Variants in SLAMF1 observed in about 807,000 individuals in gnomAD.
SLAMF1 encodes the protein signaling lymphocytic activation molecule family member 1.
In SLAMF1, 18 loss-of-function variants were observed where a neutral mutation model predicts 35.1. The ratio of observed to expected loss-of-function variants is 0.51; its 90% CI spans 0.35 to 0.76. The LOEUF (loss-of-function observed/expected upper bound fraction) is 0.76. SLAMF1 is among the 30% of genes least tolerant of loss of function. SLAMF1 has a pLI of 0.01. For synonymous variants in SLAMF1, 168 were observed against 157.2 expected (o/e 1.07, Z -0.51); for missense variants, 392 against 413.0 (o/e 0.95, Z 0.44).
intron 2 of SLAMF1, among the ~76,000 whole-genome samples, chr1:160,635,352 C>T (rs546286498): frequency 1.3e-4 from 20 of 151,974 alleles, no homozygotes; most frequent in African/African-American, 1.9e-4. Flanking sequence ...TGTGCGTGCG[C>T]GCGCGCGCAT....
chr1:160,627,899 T>C (rs748562549), intron 3 of SLAMF1, among the ~76,000 whole-genome samples: 2 of 152,184 alleles, frequency 1.3e-5, no homozygotes, highest in Non-Finnish European at 2.9e-5. Context: ...CAGGTGGAGA[T>C]AATTGAATCA....
In SLAMF1 at chr1:160,635,696, C is replaced by T. The variant is rs1219497812; in HGVS notation, c.416-799G>A. Among the ~76,000 whole-genome samples, 4 of 151,428 alleles carry T rather than the reference C, an allele frequency of 2.6e-5. No homozygotes were observed. The East Asian group carries it at 7.7e-4, about 29-fold the overall frequency. On this transcript the variant is annotated intron_variant, in intron 2 of 6. Coordinates refer to ENST00000302035, the MANE Select transcript of SLAMF1 (RefSeq NM_003037.5). The stretch of plus-strand genomic sequence containing the variant: ...ACGCCATTCTCCTGCCTCAGCCTCC[C>T]GAGTAGCTGGGACTACAGGTGCCCA...
intron 1 of SLAMF1, among the ~76,000 whole-genome samples, chr1:160,639,316 C>T (rs1660620770): frequency 6.6e-6 from 1 of 152,060 alleles, no homozygotes; most frequent in African/African-American, 2.4e-5. Context: ...ACCTCTGCCT[C>T]CCGGGCTCAA....
Position 160,610,891 on chromosome 1 carries a change from G to A in SLAMF1, c.958-93C>T, listed in dbSNP as rs868056928. On this transcript the variant is annotated intron_variant, in intron 6 of 6. Transcript: ENST00000302035. The stretch of plus-strand genomic sequence containing the variant: ...CAGCACTGCTGAGGAAAAGGAAAGG[G>A]TCTTAGAGATCATGGCTTGTGCAGG... 9 of 993,412 alleles carry A rather than the reference G, an allele frequency of 9.1e-6. No individual in the cohort carries two copies. The Middle Eastern group carries it at 1.2e-3, about 138-fold the overall frequency. The allele number at this position is 993,412 out of a possible 1,614,324, so 61.5% of individuals were successfully genotyped here.
At chr1:160,629,101 A>C (rs1660030563) in intron 3 of SLAMF1, among the ~76,000 whole-genome samples, 1 of 152,180 alleles carries the variant, frequency 6.6e-6, no homozygotes, top group African/African-American at 2.4e-5. Context: ...CGAGGCTCTT[A>C]GAGGCGGCCG....
chr1:160,646,083 A>C (rs1261302673), intron 1 of SLAMF1, among the ~76,000 whole-genome samples: 1 of 152,174 alleles, frequency 6.6e-6, no homozygotes, highest in Non-Finnish European at 1.5e-5. Context: ...CTTTTCTCAT[A>C]GCCCTGATAC....
At position 160,619,856 on chromosome 1, in the gene SLAMF1, A is replaced by G; in HGVS notation, c.791-7T>C. 6.3e-7 allele frequency: 1 copy of G among 1,597,654 alleles called. No individual in the cohort carries two copies. The highest frequency in any genetic ancestry group is 2.2e-5 in the East Asian group (1 of 44,798). On this transcript the variant is annotated splice_region_variant and splice_polypyrimidine_tract_variant and intron_variant, in intron 4 of 6. Transcript: ENST00000302035. Reference sequence around the variant, plus strand: ...TGGTAATGGTTCGTTTTACCTGGTGAAAAGAAACCATAATGGTTATCTCCC... The same window carrying G: ...TGGTAATGGTTCGTTTTACCTGGTGGAAAGAAACCATAATGGTTATCTCCC...
At chr1:160,629,501 A>G (rs565259771) in intron 3 of SLAMF1, among the ~76,000 whole-genome samples, 1 of 152,142 alleles carries the variant, frequency 6.6e-6, no homozygotes, top group Non-Finnish European at 1.5e-5. Flanking sequence ...AAAGGCTGCC[A>G]TCTTCAAGAG....
Position 160,637,174 on chromosome 1 carries a change from GA to G in SLAMF1, c.415+16del, listed in dbSNP as rs1474471830. Reference sequence around the variant, plus strand: ...CCTTGGCCCTTTAGTGTGGACTGGGGAAGCCGCCATTATTACCATAAAGCCT... The same window carrying G: ...CCTTGGCCCTTTAGTGTGGACTGGGGAGCCGCCATTATTACCATAAAGCCT... On this transcript the variant is annotated intron_variant, in intron 2 of 6. Transcript: ENST00000302035. The G allele has an allele frequency of 1.3e-6, 2 of 1,596,034 alleles. No homozygotes were observed. Among genetic ancestry groups the G allele is most frequent in the Non-Finnish European group, 1.7e-6 (2 of 1,163,682 alleles).
At chr1:160,622,193 A>C (rs921461605) in intron 4 of SLAMF1, among the ~76,000 whole-genome samples, 1 of 152,172 alleles carries the variant, frequency 6.6e-6, no homozygotes. Context: ...TATTTTCCCC[A>C]GTGCAAGAAC....
At chr1:160,639,217 C>A (rs996376139) in intron 1 of SLAMF1, among the ~76,000 whole-genome samples, 1 of 152,106 alleles carries the variant, frequency 6.6e-6, no homozygotes, top group Non-Finnish European at 1.5e-5. Flanking sequence ...TTCTCGCATA[C>A]TCCAAACTCA....
intron 2 of SLAMF1, among the ~76,000 whole-genome samples, chr1:160,635,251 C>T (rs777952659): frequency 2.6e-5 from 4 of 152,154 alleles, no homozygotes; most frequent in African/African-American, 4.8e-5. Context: ...AGTTGGCTTA[C>T]GTTGTTACTT....
At chr1:160,643,256 G>A (rs578142293) in intron 1 of SLAMF1, among the ~76,000 whole-genome samples, 18 of 152,182 alleles carry the variant, frequency 1.2e-4, no homozygotes, top group Admixed American at 5.9e-4. Context: ...CAGATAGTCC[G>A]TTACATGTCT....
chr1:160,637,822 G>A (rs755349833), intron 1 of SLAMF1, among the ~76,000 whole-genome samples: 1 of 152,206 alleles, frequency 6.6e-6, no homozygotes, highest in Non-Finnish European at 1.5e-5. Flanking sequence ...AAAAAGCACA[G>A]AGAAGTTAAA....
intron 3 of SLAMF1, among the ~76,000 whole-genome samples, chr1:160,633,539 A>C (rs1209915636): frequency 6.6e-6 from 1 of 152,178 alleles, no homozygotes; most frequent in African/African-American, 2.4e-5. Flanking sequence ...TGGCTACTGT[A>C]GGCAGAAGAC....
intron 1 of SLAMF1, among the ~76,000 whole-genome samples, chr1:160,645,408 A>G (rs1660986910): frequency 6.6e-6 from 1 of 152,230 alleles, no homozygotes; most frequent in Non-Finnish European, 1.5e-5. Flanking sequence ...CTCCGATTGG[A>G]TAGACTTGCC....
intron 1 of SLAMF1, among the ~76,000 whole-genome samples, chr1:160,638,837 A>T (rs1043206458): frequency 6.6e-6 from 1 of 152,116 alleles, no homozygotes; most frequent in Non-Finnish European, 1.5e-5. Flanking sequence ...AGGGAACAAC[A>T]TACTCTCCCG....
chr1:160,610,932 G>A, intron 6 of SLAMF1, 134 bp from the exon 7 acceptor site: 1 of 702,248 alleles, frequency 1.4e-6, no homozygotes, highest in Admixed American at 2.5e-5. Flanking sequence ...TCACAGACAG[G>A]GCCTTGCTGG....
chr1:160,618,035 T>G lies in SLAMF1; in HGVS notation c.864+1741A>C, dbSNP rs1330621684. Among the ~76,000 whole-genome samples the G allele has an allele frequency of 2.0e-5, 3 of 152,078 alleles. 1 individual carries two copies. Among genetic ancestry groups the G allele is most frequent in the African/African-American group, 7.2e-5 (3 of 41,402 alleles). ...TTGTAGTGAGCCCAGATCACACCACTGCACTCCAGCCTGGGCGATAAAGCA... is the reference window on the plus strand; with the variant it reads ...TTGTAGTGAGCCCAGATCACACCACGGCACTCCAGCCTGGGCGATAAAGCA... On this transcript the variant is annotated intron_variant, in intron 5 of 6. Coordinates refer to ENST00000302035, the MANE Select transcript of SLAMF1 (RefSeq NM_003037.5).
Sources: gnomAD v4.1 joint callset for allele counts (sites outside exome capture counted in the v4.1 genomes callset) on GRCh38, gnomAD v4.1.1 for gene constraint, MANE v1.5 for transcripts, NCBI Gene and HGNC (gene_info 2026-07-23, HGNC 2026-07-21) for gene names.